BPTF: variants seen among roughly 807,000 people sequenced by gnomAD.
The protein encoded by BPTF is nucleosome-remodeling factor subunit BPTF.
BPTF carries 18 observed loss-of-function variants against 292.5 expected under a neutral mutation model. The observed-to-expected ratio is 0.06, with a 90% CI of 0.04 to 0.09. The LOEUF (loss-of-function observed/expected upper bound fraction) is 0.09. Among genes scored for constraint, BPTF ranks in the 10% least tolerant of loss-of-function variants. The probability of loss-of-function intolerance (pLI) is 1.00; values close to 1 mark genes in which losing one functional copy is unlikely to be tolerated. For synonymous variants in BPTF, 1,225 were observed against 1,251.9 expected (o/e 0.98, Z 0.45); for missense variants, 2,726 against 3,498.7 (o/e 0.78, Z 5.57).
intron 3 of BPTF, among the ~76,000 whole-genome samples, chr17:67,866,931 A>G (rs2059422534): frequency 1.3e-5 from 2 of 152,348 alleles, no homozygotes; most frequent in South Asian, 2.1e-4. Context: ...CTAGGCTGCA[A>G]ACCTGTACGT....
At chr17:67,914,569 A>C (rs1206055412) in intron 11 of BPTF, among the ~76,000 whole-genome samples, 1 of 152,198 alleles carries the variant, frequency 6.6e-6, no homozygotes, top group Non-Finnish European at 1.5e-5. Context: ...CCTGCAGGTA[A>C]CTTCTTTCCC....
chr17:67,944,084 A>T, intron 19 of BPTF, 66 bp from the exon 20 acceptor site: 1 of 1,165,486 alleles, frequency 8.6e-7, no homozygotes, highest in African/African-American at 1.5e-5. Flanking sequence ...AAAATGATTT[A>T]ATAAAAATGA....
At chr17:67,826,922 GA>G (rs1296919494) in intron 1 of BPTF, among the ~76,000 whole-genome samples, 4 of 152,154 alleles carry the variant, frequency 2.6e-5, no homozygotes, top group African/African-American at 9.7e-5. Context: ...GTTAGTAGGG[GA>G]ACCTTATCTG....
chr17:67,923,226 T>C (rs1371959692), intron 14 of BPTF, among the ~76,000 whole-genome samples: 2 of 151,632 alleles, frequency 1.3e-5, no homozygotes, highest in South Asian at 2.1e-4. Flanking sequence ...CAGCTAATGT[T>C]TGTATTTTTT....
intron 4 of BPTF, among the ~76,000 whole-genome samples, chr17:67,883,825 T>G (rs2060576098): frequency 6.6e-6 from 1 of 151,990 alleles, no homozygotes; most frequent in African/African-American, 2.4e-5. Flanking sequence ...GGTCTCGAAC[T>G]CCTGAGCTCA....
intron 14 of BPTF, among the ~76,000 whole-genome samples, chr17:67,924,269 C>G (rs2063686752): frequency 6.6e-6 from 1 of 152,032 alleles, no homozygotes. Flanking sequence ...CCACTGTGCC[C>G]AGCTCCGACT....
intron 27 of BPTF, among the ~76,000 whole-genome samples, chr17:67,979,553 T>C (rs2070059604): frequency 6.6e-6 from 1 of 151,876 alleles, no homozygotes; most frequent in Admixed American, 6.6e-5. Context: ...TCAAAGATAA[T>C]AAAAATAATG....
intron 4 of BPTF, among the ~76,000 whole-genome samples, chr17:67,879,403 G>A (rs1160805371): frequency 6.6e-6 from 1 of 152,152 alleles, no homozygotes; most frequent in Non-Finnish European, 1.5e-5. Context: ...GCCTCCCAAA[G>A]TGCTGGGATT....
intron 7 of BPTF, among the ~76,000 whole-genome samples, chr17:67,895,072 A>T (rs896199177): frequency 6.6e-6 from 1 of 152,114 alleles, no homozygotes; most frequent in Non-Finnish European, 1.5e-5. Flanking sequence ...TACAGAGTCC[A>T]CTCCAAAGGC....
At position 67,929,424 on chromosome 17, in the gene BPTF, G is replaced by A; in HGVS notation, c.6087G>A (p.Arg2029=). The A allele has an allele frequency of 6.2e-7, 1 of 1,614,046 alleles. No homozygotes were observed. The highest frequency in any genetic ancestry group is 8.5e-7 in the Non-Finnish European group (1 of 1,180,012). Residue 2029 remains arginine, a synonymous_variant, in exon 17 of 28, where the codon AGG becomes AGA. Transcript: ENST00000306378. Reference sequence around the variant, plus strand: ...AAACCTTTACTTCATTCCAGCCCAGGACAGCAACAGTCACAATTAGGCCCA... The same window carrying A: ...AAACCTTTACTTCATTCCAGCCCAGAACAGCAACAGTCACAATTAGGCCCA... ...SQQTFTSFQP[R]TATVTIRPNT...
intron 23 of BPTF, among the ~76,000 whole-genome samples, chr17:67,954,556 C>G (rs1237372665): frequency 6.6e-6 from 1 of 152,152 alleles, no homozygotes; most frequent in African/African-American, 2.4e-5. Context: ...GTTCGGCCAC[C>G]TCTTCTTCCT....
intron 15 of BPTF, among the ~76,000 whole-genome samples, chr17:67,925,316 T>G (rs918004675): frequency 6.6e-6 from 1 of 152,146 alleles, no homozygotes; most frequent in African/African-American, 2.4e-5. Flanking sequence ...AAGAGTTTGT[T>G]GTAATTGATT....
intron 11 of BPTF, among the ~76,000 whole-genome samples, chr17:67,918,187 C>T (rs1236337394): frequency 1.3e-5 from 2 of 152,154 alleles, no homozygotes; most frequent in Non-Finnish European, 2.9e-5. Flanking sequence ...CTGCCCACCT[C>T]GGCCTCCCAC....
At chr17:67,894,962 A>T (rs2061346114) in intron 7 of BPTF, among the ~76,000 whole-genome samples, 1 of 152,214 alleles carries the variant, frequency 6.6e-6, no homozygotes, top group Non-Finnish European at 1.5e-5. Flanking sequence ...GTCTTTAAAA[A>T]GTTATTATTA....
At chr17:67,893,861 A>G in intron 6 of BPTF, 136 bp downstream of exon 6, 1 of 1,122,836 alleles carries the variant, frequency 8.9e-7, no homozygotes, top group Non-Finnish European at 1.3e-6. Flanking sequence ...AGGACATTAG[A>G]GGCATGAGTG....
rs376867695 is a variant in BPTF at position 67,886,375 on chromosome 17, T to G, written c.1865-5469T>G. The G allele has an allele frequency of 9.9e-4, 1,205 of 1,221,740 alleles. 3 individuals carry two copies. The highest frequency in any genetic ancestry group is 6.9e-3 in the Admixed American group (248 of 36,112). 75.7% of individuals were successfully genotyped at this position (1,221,740 alleles called of 1,614,324 possible). On this transcript the variant is annotated intron_variant, in intron 4 of 27. Transcript: ENST00000306378. ...AAGTTTTTTCTTTTTTTTCTTTTTT[T>G]TGTGTGTGTGTGTGTGGTTTTTTGC...
At chr17:67,940,840 TC>T (rs529356610) in intron 19 of BPTF, among the ~76,000 whole-genome samples, 184 bp downstream of exon 19, 7 of 152,176 alleles carry the variant, frequency 4.6e-5, no homozygotes, top group Non-Finnish European at 1.0e-4. Flanking sequence ...ACTAGAGTAA[TC>T]TTTAGACAGT....
intron 14 of BPTF, among the ~76,000 whole-genome samples, chr17:67,924,263 T>C (rs900317165): frequency 6.6e-6 from 1 of 152,172 alleles, no homozygotes; most frequent in Non-Finnish European, 1.5e-5. Flanking sequence ...CCTGAGCCAC[T>C]GTGCCCAGCT....
At chr17:67,923,471 C>CTTGTTTTTT (rs2063604904) in intron 14 of BPTF, among the ~76,000 whole-genome samples, 1 of 67,494 alleles carries the variant, frequency 1.5e-5, no homozygotes, top group African/African-American at 5.9e-5. Context: ...CTCTCTCTGT[C>CTTGTTTTTT]TTTTTTTTTT....
Sources: allele counts gnomAD v4.1 joint callset (sites outside exome capture counted in the v4.1 genomes callset), GRCh38; gene constraint gnomAD v4.1.1; transcripts MANE v1.5; gene names NCBI Gene and HGNC (gene_info 2026-07-23, HGNC 2026-07-21).